Variants in CDC25A observed in about 807,000 individuals in gnomAD.
CDC25A encodes M-phase inducer phosphatase 1.
A neutral mutation model predicts 64.6 loss-of-function variants in CDC25A; 17 were observed. The ratio of observed to expected loss-of-function variants is 0.26; its 90% CI spans 0.18 to 0.39. The LOEUF is 0.39. Among genes scored for constraint, CDC25A ranks in the 10% least tolerant of loss-of-function variants. The pLI is 1.00. For synonymous variants in CDC25A, 229 were observed against 238.6 expected (o/e 0.96, Z 0.37); for missense variants, 473 against 654.8 (o/e 0.72, Z 3.03).
chr3:48,171,836 C>T (rs2106721215), intron 9 of CDC25A, among the ~76,000 whole-genome samples: 1 of 152,174 alleles, frequency 6.6e-6, no homozygotes, highest in South Asian at 2.1e-4. Flanking sequence ...GTGATTTATT[C>T]AATTATTTCT....
chr3:48,175,520 CCTG>C (rs2032424660), intron 8 of CDC25A, among the ~76,000 whole-genome samples: 3 of 152,288 alleles, frequency 2.0e-5, no homozygotes, highest in African/African-American at 7.2e-5. Context: ...TTGAAATCTT[CCTG>C]ATAGTCCCCA....
At chr3:48,164,480 C>A in intron 12 of CDC25A, 43 bp from the exon 13 acceptor site, 1 of 1,444,330 alleles carries the variant, frequency 6.9e-7, no homozygotes. Flanking sequence ...ACGTTTCACA[C>A]ATGAAGTAAT....
chr3:48,183,323 G>A (rs1575273283), intron 4 of CDC25A, among the ~76,000 whole-genome samples: 1 of 152,300 alleles, frequency 6.6e-6, no homozygotes, highest in Non-Finnish European at 1.5e-5. Context: ...TGCATCAAAA[G>A]AACCCTTCCT....
At chr3:48,172,290 G>C (rs1037225419) in intron 9 of CDC25A, among the ~76,000 whole-genome samples, 2 of 152,160 alleles carry the variant, frequency 1.3e-5, no homozygotes, top group Non-Finnish European at 2.9e-5. Flanking sequence ...AAAAACAAAA[G>C]CAGATACGAT....
At chr3:48,159,249 G>T in intron 14 of CDC25A, 95 bp downstream of exon 14, 2 of 1,279,060 alleles carry the variant, frequency 1.6e-6, no homozygotes, top group East Asian at 2.3e-5. Flanking sequence ...CTTGTCCCCC[G>T]ACCCCTGGAA....
At chr3:48,183,122 TA>T in intron 4 of CDC25A, 92 bp from the exon 5 acceptor site, 6 of 806,936 alleles carry the variant, frequency 7.4e-6, no homozygotes, top group Non-Finnish European at 1.3e-5. Context: ...GGGGGTTGAA[TA>T]GGGGGTAGAC....
chr3:48,178,742 G>A (rs2032556845), intron 6 of CDC25A, among the ~76,000 whole-genome samples: 1 of 152,100 alleles, frequency 6.6e-6, no homozygotes, highest in African/African-American at 2.4e-5. Context: ...TAAAATGGCG[G>A]TACCTCATTA....
intron 8 of CDC25A, among the ~76,000 whole-genome samples, chr3:48,176,291 G>A (rs905924177): frequency 2.6e-5 from 4 of 152,052 alleles, no homozygotes; most frequent in African/African-American, 7.2e-5. Context: ...ACCTAAGGGT[G>A]TATATCTCTG....
intron 13 of CDC25A, among the ~76,000 whole-genome samples, chr3:48,162,327 C>G (rs1482498697): frequency 1.3e-5 from 2 of 150,918 alleles, no homozygotes; most frequent in African/African-American, 4.9e-5. Flanking sequence ...ACTCTGTCAC[C>G]TAGGCTGGAG....
chr3:48,173,087 C>T (rs568462549), intron 9 of CDC25A, among the ~76,000 whole-genome samples: 1 of 150,978 alleles, frequency 6.6e-6, no homozygotes, highest in East Asian at 2.0e-4. Flanking sequence ...GGCGTGGTGG[C>T]GGGGTCCTGT....
At chr3:48,164,254 A>C in intron 13 of CDC25A, 53 bp downstream of exon 13, 1 of 1,456,288 alleles carries the variant, frequency 6.9e-7, no homozygotes, top group East Asian at 2.6e-5. Context: ...ACCATGTCCC[A>C]CAAAAGCATC....
chr3:48,159,249 G>A (rs142035780), intron 14 of CDC25A, 95 bp downstream of exon 14: 16 of 1,279,066 alleles, frequency 1.3e-5, no homozygotes, highest in Middle Eastern at 1.9e-4. Flanking sequence ...CTTGTCCCCC[G>A]ACCCCTGGAA....
In CDC25A at chr3:48,158,814, A is replaced by T; in HGVS notation, c.*131T>A. ...CCTTGGGAGTGTGGGAGGTAGGTTT[A>T]AGGCATGGAAGTCCCAGGCCCCCTC... On this transcript the variant is annotated 3_prime_UTR_variant, in exon 15 of 15. Transcript: ENST00000302506. The T allele has an allele frequency of 8.8e-7, 1 of 1,131,760 alleles. No individual in the cohort carries two copies. Among genetic ancestry groups the T allele is most frequent in the Non-Finnish European group, 1.3e-6 (1 of 791,896 alleles). The allele number at this position is 1,131,760 out of a possible 1,614,324, so 70.1% of individuals were successfully genotyped here. A position where few individuals can be genotyped will look rare whatever the true frequency, so the allele number is the denominator to read the frequency against.
At chr3:48,184,738 C>T (rs768115433) in intron 2 of CDC25A, 43 bp from the exon 3 acceptor site, 2 of 1,409,236 alleles carry the variant, frequency 1.4e-6, no homozygotes, top group South Asian at 2.5e-5. Context: ...ATACAAAAAA[C>T]ACCATTTTGT....
At chr3:48,167,378 A>G (rs534579828) in intron 10 of CDC25A, among the ~76,000 whole-genome samples, 58 of 152,338 alleles carry the variant, frequency 3.8e-4, no homozygotes, top group African/African-American at 1.4e-3. Context: ...ATATCAGGCT[A>G]TTAGAAGATC....
rs1202488744 is a variant in CDC25A, at chr3:48,186,745, T to A, written c.205A>T (p.Ser69Cys). The A allele has an allele frequency of 1.9e-6, 3 of 1,602,752 alleles. No individual in the cohort carries two copies. The highest frequency in any genetic ancestry group is 2.6e-6 in the Non-Finnish European group (3 of 1,172,866). Residue 69 changes from serine (S) to cysteine (C), a missense_variant, in exon 2 of 15, where the codon AGT becomes TGT. Coordinates refer to ENST00000302506, the MANE Select transcript of CDC25A (RefSeq NM_001789.3). Reference sequence around the variant, plus strand: ...GAGGAGCCCATTCTCTGCAGATTACTGTTGTTCTTCACCTCCAGTGGTTGC... The same window carrying A: ...GAGGAGCCCATTCTCTGCAGATTACAGTTGTTCTTCACCTCCAGTGGTTGC... ...YEQPLEVKNN[S>C]NLQRMGSSES...
At position 48,162,512 on chromosome 3, in the gene CDC25A, G is replaced by A. The variant is rs1199578610; in HGVS notation, c.1322+1795C>T. Reference sequence around the variant, plus strand: ...GCCTCCCAAAGTGTTGGGATTACAGGTGCCACTGTGCCCAGCCATAACCTC... The same window carrying A: ...GCCTCCCAAAGTGTTGGGATTACAGATGCCACTGTGCCCAGCCATAACCTC... On this transcript the variant is annotated intron_variant, in intron 13 of 14. Transcript: ENST00000302506. 5.3e-5 allele frequency among the ~76,000 whole-genome samples: 8 copies of A among 152,154 alleles called. No individual in the cohort carries two copies. In the East Asian group the frequency reaches 1.2e-3, roughly 22 times the overall value.
At position 48,159,474 on chromosome 3, in the gene CDC25A, G is replaced by T; in HGVS notation, c.1323-19C>A. On this transcript the variant is annotated intron_variant, in intron 13 of 14. Transcript: ENST00000302506. ...CCGGCACCTAGTCAGGGGAAGGAAGGCCAAAGCAGGGTTAGCTTTTCCAGC... is the reference window on the plus strand; with the variant it reads ...CCGGCACCTAGTCAGGGGAAGGAAGTCCAAAGCAGGGTTAGCTTTTCCAGC... 3.2e-6 allele frequency: 5 copies of T among 1,571,112 alleles called. No individual in the cohort carries two copies. The highest frequency in any genetic ancestry group is 4.4e-6 in the Non-Finnish European group (5 of 1,141,210).
At chr3:48,162,752 G>A (rs2031831173) in intron 13 of CDC25A, among the ~76,000 whole-genome samples, 1 of 152,044 alleles carries the variant, frequency 6.6e-6, no homozygotes, top group Non-Finnish European at 1.5e-5. Flanking sequence ...GGAGGCTGAG[G>A]CAGGAGAATG....
Sources: gnomAD v4.1 joint callset for allele counts (sites outside exome capture counted in the v4.1 genomes callset) on GRCh38, gnomAD v4.1.1 for gene constraint, MANE v1.5 for transcripts, NCBI Gene and HGNC (gene_info 2026-07-23, HGNC 2026-07-21) for gene names.